Variants in ELMO1 observed in about 807,000 individuals in gnomAD.
ELMO1 encodes the protein engulfment and cell motility 1.
A neutral mutation model predicts 98.9 loss-of-function variants in ELMO1; 26 were observed. The observed-to-expected ratio is 0.26, with a 90% confidence interval of 0.19 to 0.36. The LOEUF (loss-of-function observed/expected upper bound fraction) is 0.36, where lower values mean the gene tolerates loss of function less well. Ranked by LOEUF, ELMO1 falls within the 10% of genes least tolerant of loss-of-function variation. The pLI is 1.00. For missense variants in ELMO1, 627 were observed against 935.2 expected, an observed-to-expected ratio of 0.67 and a Z score of 4.30; for synonymous variants, 346 against 346.0, an observed-to-expected ratio of 1.00 and a Z score of 0.00.
At chr7:37,330,754 T>C (rs1562619761) in intron 2 of ELMO1, among the ~76,000 whole-genome samples, 1 of 152,252 alleles carries the variant, frequency 6.6e-6, no homozygotes, top group Non-Finnish European at 1.5e-5. Context: ...TCTTAGCAAC[T>C]ATTTTTTTTC....
chr7:37,181,343 G>A (rs1410280736), intron 13 of ELMO1, among the ~76,000 whole-genome samples: 2 of 151,504 alleles, frequency 1.3e-5, no homozygotes, highest in African/African-American at 2.4e-5. Context: ...GAGGATGCCC[G>A]CCTCATCCCT....
chr7:37,295,259 G>T (rs894931945), intron 4 of ELMO1, among the ~76,000 whole-genome samples: 1 of 152,200 alleles, frequency 6.6e-6, no homozygotes, highest in Non-Finnish European at 1.5e-5. Flanking sequence ...TTTTAGCTAT[G>T]CTTGGAAGGT....
At chr7:37,208,908 T>G (rs1792801336) in intron 13 of ELMO1, among the ~76,000 whole-genome samples, 1 of 152,180 alleles carries the variant, frequency 6.6e-6, no homozygotes, top group African/African-American at 2.4e-5. Flanking sequence ...CAACACTCTC[T>G]TATGATTATT....
intron 13 of ELMO1, among the ~76,000 whole-genome samples, chr7:37,152,756 A>T (rs1284882444): frequency 6.6e-6 from 1 of 152,236 alleles, no homozygotes; most frequent in African/African-American, 2.4e-5. Flanking sequence ...AAGAAAATGA[A>T]AGGAACAGAA....
At chr7:36,940,930 C>T (rs1484147011) in intron 16 of ELMO1, among the ~76,000 whole-genome samples, 1 of 152,196 alleles carries the variant, frequency 6.6e-6, no homozygotes, top group Non-Finnish European at 1.5e-5. Context: ...AAGAGAGGCA[C>T]AGATAGTGTG....
At chr7:37,189,568 C>A (rs907369183) in intron 13 of ELMO1, among the ~76,000 whole-genome samples, 1 of 152,106 alleles carries the variant, frequency 6.6e-6, no homozygotes, top group Non-Finnish European at 1.5e-5. Flanking sequence ...CACTCTCTTG[C>A]GGCTACATGG....
intron 3 of ELMO1, 138 bp downstream of exon 3, chr7:37,315,782 T>C (rs1799121595): frequency 1.3e-6 from 1 of 784,022 alleles, no homozygotes; most frequent in Admixed American, 2.5e-5. Context: ...GTGATATTCC[T>C]ACACAGTAAT....
At chr7:37,171,228 T>G (rs1182714949) in intron 13 of ELMO1, among the ~76,000 whole-genome samples, 1 of 152,046 alleles carries the variant, frequency 6.6e-6, no homozygotes, top group Non-Finnish European at 1.5e-5. Flanking sequence ...ATTTTAAAAA[T>G]ATATTAGATA....
At chr7:37,345,100 C>T (rs956925619) in intron 1 of ELMO1, among the ~76,000 whole-genome samples, 3 of 152,146 alleles carry the variant, frequency 2.0e-5, no homozygotes, top group Non-Finnish European at 2.9e-5. Flanking sequence ...AAAACAAAAC[C>T]GCTACTCCTT....
chr7:37,207,367 A>G (rs1792692892), intron 13 of ELMO1, among the ~76,000 whole-genome samples: 1 of 152,106 alleles, frequency 6.6e-6, no homozygotes, highest in South Asian at 2.1e-4. Context: ...CCTGGCCAAC[A>G]TGGCGAAACC....
intron 13 of ELMO1, among the ~76,000 whole-genome samples, chr7:37,159,611 A>G (rs1789055985): frequency 6.6e-6 from 1 of 152,158 alleles, no homozygotes; most frequent in Non-Finnish European, 1.5e-5. Context: ...GAGGCAAGAG[A>G]ATCACTTGAA....
intron 13 of ELMO1, among the ~76,000 whole-genome samples, chr7:37,197,764 T>C (rs980065272): frequency 6.6e-6 from 1 of 152,128 alleles, no homozygotes; most frequent in Non-Finnish European, 1.5e-5. Context: ...ATGATCCTAC[T>C]AGAGGCAAAA....
At chr7:36,936,760 C>G (rs1218843014) in intron 16 of ELMO1, among the ~76,000 whole-genome samples, 3 of 152,108 alleles carry the variant, frequency 2.0e-5, no homozygotes, top group African/African-American at 7.2e-5. Context: ...GGCCCATTTT[C>G]TTCTTAAAGA....
intron 14 of ELMO1, among the ~76,000 whole-genome samples, chr7:37,124,503 A>G (rs1486293857): frequency 6.6e-6 from 1 of 152,210 alleles, no homozygotes; most frequent in Non-Finnish European, 1.5e-5. Context: ...AGACAAACAG[A>G]GAGCTAAATC....
intron 14 of ELMO1, among the ~76,000 whole-genome samples, chr7:37,111,759 A>G (rs914303747): frequency 7.9e-5 from 12 of 152,230 alleles, no homozygotes; most frequent in Non-Finnish European, 1.6e-4. Context: ...TCACTACTCA[A>G]TATAGTTTAG....
In ELMO1 at chr7:36,855,782, AC is replaced by A. The variant is rs1336028689; in HGVS notation, c.1984-32del. The A allele has an allele frequency of 1.7e-5, 27 of 1,612,456 alleles. No individual in the cohort carries two copies. Among genetic ancestry groups the A allele is most frequent in the African/African-American group, 4.0e-5 (3 of 74,886 alleles). On this transcript the variant is annotated intron_variant, in intron 21 of 21. Transcript: ENST00000310758. The surrounding 1 kb of genome is among the most constrained non-coding windows in gnomAD (Gnocchi z 4.2). ...AGGAAGGGAGGCAACAGCGATCATT[AC>A]TGGTGGCAATTACAGAAGTATTAAT...
intron 16 of ELMO1, among the ~76,000 whole-genome samples, chr7:36,962,108 G>A (rs893357919): frequency 3.3e-5 from 5 of 152,210 alleles, no homozygotes; most frequent in African/African-American, 1.2e-4. Flanking sequence ...TTTGGCTGTA[G>A]CTTAGGGAAG....
intron 13 of ELMO1, among the ~76,000 whole-genome samples, chr7:37,168,067 T>G (rs1789853054): frequency 1.3e-5 from 2 of 151,822 alleles, no homozygotes; most frequent in Admixed American, 1.3e-4. Context: ...TAAACTTCCC[T>G]TCTCGCTTCA....
intron 13 of ELMO1, among the ~76,000 whole-genome samples, chr7:37,155,783 C>T (rs150787983): frequency 0.068 from 10,318 of 152,008 alleles, 500 homozygotes; most frequent in Non-Finnish European, 0.091. Flanking sequence ...AAAATTAACA[C>T]GGATATCCAG....
Sources: allele counts gnomAD v4.1 joint callset (sites outside exome capture counted in the v4.1 genomes callset), GRCh38; gene constraint gnomAD v4.1.1; non-coding constraint Gnocchi (gnomAD v3.1); transcripts MANE v1.5; gene names NCBI Gene and HGNC (gene_info 2026-07-23, HGNC 2026-07-21).